NINL: variants seen among roughly 807,000 people sequenced by gnomAD.
NINL encodes the protein ninein-like protein.
Under a neutral mutation model 160.3 loss-of-function variants are expected in NINL, and 153 were observed. The ratio of observed to expected loss-of-function variants is 0.95; its 90% confidence interval spans 0.84 to 1.09. NINL has a LOEUF of 1.09. Ranked by LOEUF, NINL falls within the 50% of genes least tolerant of loss-of-function variation. The probability of loss-of-function intolerance (pLI) is 0.00; values close to 1 mark genes in which losing one functional copy is unlikely to be tolerated. For synonymous variants in NINL, 800 were observed against 734.8 expected (o/e 1.09, Z -1.43); for missense variants, 1,829 against 1,764.0 (o/e 1.04, Z -0.66).
intron 1 of NINL, among the ~76,000 whole-genome samples, chr20:25,561,713 G>A (rs1411811574): frequency 1.4e-5 from 2 of 138,306 alleles, no homozygotes; most frequent in Non-Finnish European, 3.2e-5. Flanking sequence ...GGAGCGCCTC[G>A]GCCCGGCCGC....
intron 1 of NINL, among the ~76,000 whole-genome samples, chr20:25,526,936 C>T (rs543028308): frequency 7.2e-5 from 11 of 152,226 alleles, no homozygotes; most frequent in Non-Finnish European, 2.9e-5. Flanking sequence ...GAGAAAAAGG[C>T]GGGAGGACTG....
chr20:25,479,692 T>G (rs1032183150), intron 15 of NINL, among the ~76,000 whole-genome samples: 8 of 152,286 alleles, frequency 5.3e-5, no homozygotes, highest in African/African-American at 1.9e-4. Flanking sequence ...CAACAAGTCA[T>G]GGACACTGTC....
intron 3 of NINL, among the ~76,000 whole-genome samples, chr20:25,514,560 A>G (rs2064129870): frequency 6.6e-6 from 1 of 152,250 alleles, no homozygotes; most frequent in African/African-American, 2.4e-5. Flanking sequence ...AATTTGTAAT[A>G]GTAAAGAGGA....
intron 1 of NINL, among the ~76,000 whole-genome samples, chr20:25,544,923 G>C (rs1017210447): frequency 6.6e-6 from 1 of 152,222 alleles, no homozygotes; most frequent in Non-Finnish European, 1.5e-5. Context: ...TGTTAAAACA[G>C]CAGATGGAGA....
intron 9 of NINL, 97 bp downstream of exon 9, chr20:25,498,113 A>G (rs2063794908): frequency 2.3e-5 from 33 of 1,440,932 alleles, no homozygotes; most frequent in Non-Finnish European, 2.9e-5. Flanking sequence ...TGTGGGGTGG[A>G]TAAGAGCTGA....
rs761641193 is a variant in NINL, at chr20:25,465,937, T to C, written c.3423+1452A>G. Among the ~76,000 whole-genome samples the C allele has an allele frequency of 2.6e-5, 4 of 152,222 alleles. No individual in the cohort carries two copies. In the East Asian group the frequency reaches 7.7e-4, roughly 29 times the overall value. On this transcript the variant is annotated intron_variant, in intron 19 of 23. Coordinates refer to ENST00000278886, the MANE Select transcript of NINL (RefSeq NM_025176.6). ...TAAGTGTGACAGCACTCCTTCAGTGTGGCGAGGCGGGAGATGCACTTCCTT... is the reference window on the plus strand; with the variant it reads ...TAAGTGTGACAGCACTCCTTCAGTGCGGCGAGGCGGGAGATGCACTTCCTT...
Position 25,489,877 on chromosome 20 carries a change from T to A in NINL, c.1594A>T (p.Lys532Ter). Residue 532 changes from lysine (K) to a stop codon, truncating the protein, a stop_gained and splice_region_variant, in exon 12 of 24, where the codon AAG (lysine) becomes TAG (stop). Transcript: ENST00000278886. LOFTEE classifies it high-confidence loss of function. The stretch of plus-strand genomic sequence containing the variant: ...AGACTGTCAGCAAAGGGACTCGCCT[T>A]GTCCTTCAGCACAAACTCCAGGTCC... ...QKDLEFVLKD[K>*]LEPQSAELLA... 6.2e-7 allele frequency: 1 copy of A among 1,614,112 alleles called. No individual in the cohort carries two copies. Among genetic ancestry groups the A allele is most frequent in the South Asian group, 1.1e-5 (1 of 91,084 alleles).
rs2090575029 is a variant in NINL, at chr20:25,453,228, A to G, written c.*223T>C. On this transcript the variant is annotated 3_prime_UTR_variant, in exon 24 of 24. Transcript: ENST00000278886. ...ATTTTGCCAAGGGAAATTACTCAGG[A>G]CCGCTAATAAAAACGCCGGCTTCTG... 2.4e-6 allele frequency: 1 copy of G among 419,788 alleles called. No individual in the cohort carries two copies. Among genetic ancestry groups the G allele is most frequent in the African/African-American group, 2.0e-5 (1 of 49,232 alleles). The allele number at this position is 419,788 out of a possible 1,614,324, so 26.0% of individuals were successfully genotyped here.
At chr20:25,565,009 T>G (rs2064984445) in intron 1 of NINL, among the ~76,000 whole-genome samples, 1 of 151,990 alleles carries the variant, frequency 6.6e-6, no homozygotes, top group African/African-American at 2.4e-5. Context: ...TAGACAAGTA[T>G]AAGAGAAAAT....
intron 7 of NINL, among the ~76,000 whole-genome samples, chr20:25,502,224 C>T (rs780297959): frequency 7.3e-5 from 11 of 151,656 alleles, no homozygotes; most frequent in Admixed American, 2.0e-4. Context: ...TCAAATGATC[C>T]GCCCGCCTTG....
chr20:25,489,054 G>T (rs560363528), intron 13 of NINL, 190 bp downstream of exon 13: 8 of 609,072 alleles, frequency 1.3e-5, no homozygotes, highest in Non-Finnish European at 2.4e-5. Context: ...ACACAGAGGC[G>T]GCCTTCAGGA....
intron 1 of NINL, among the ~76,000 whole-genome samples, chr20:25,580,195 G>T (rs141935835): frequency 6.6e-6 from 1 of 152,048 alleles, no homozygotes; most frequent in African/African-American, 2.4e-5. Context: ...TTAGTTGGGC[G>T]TGGAGGTGGA....
intron 8 of NINL, among the ~76,000 whole-genome samples, chr20:25,500,369 A>T (rs1432955162): frequency 6.6e-6 from 1 of 152,186 alleles, no homozygotes; most frequent in Non-Finnish European, 1.5e-5. Flanking sequence ...CACCTGGCCC[A>T]TGGTGGGAAG....
At chr20:25,483,434 A>T (rs924556496) in intron 13 of NINL, among the ~76,000 whole-genome samples, 5 of 152,278 alleles carry the variant, frequency 3.3e-5, no homozygotes, top group Admixed American at 1.3e-4. Flanking sequence ...TGCAATGTGC[A>T]TGTCAGGCAG....
chr20:25,468,504 C>G, intron 18 of NINL, among the ~76,000 whole-genome samples: 1 of 133,796 alleles, frequency 7.5e-6, no homozygotes, highest in Non-Finnish European at 1.6e-5. Context: ...TGCCCTGTCC[C>G]CCGACTCTCA....
At chr20:25,561,254 G>T (rs2147132760) in intron 1 of NINL, among the ~76,000 whole-genome samples, 1 of 152,284 alleles carries the variant, frequency 6.6e-6, no homozygotes, top group Admixed American at 6.5e-5. Flanking sequence ...GGCCGGGCTG[G>T]TCTCCAGCTC....
rs760731697 is a variant in NINL, at chr20:25,490,015, G to C, written c.1486-30C>G. On this transcript the variant is annotated intron_variant, in intron 11 of 23. Coordinates refer to ENST00000278886, the MANE Select transcript of NINL (RefSeq NM_025176.6). ...GAGACACAGGCCAGTGGCTCATCAG[G>C]CTCCTGCAGGACGGAGGGGATGTGT... 3 of 1,579,350 alleles carry C rather than the reference G, an allele frequency of 1.9e-6. No individual in the cohort carries two copies. The South Asian group carries it at 3.3e-5, about 17-fold the overall frequency.
At chr20:25,554,624 CAAAAAAAAAAACAAAAAA>C (rs1335465911) in intron 1 of NINL, among the ~76,000 whole-genome samples, 34 of 49,722 alleles carry the variant, frequency 6.8e-4, no homozygotes, top group African/African-American at 1.5e-3. Flanking sequence ...TGTTCTTTAC[CAAAAAAAAAAACAAAAAA>C]AAAAAAAAAA....
chr20:25,478,765 T>C, intron 16 of NINL, 158 bp downstream of exon 16: 1 of 709,994 alleles, frequency 1.4e-6, no homozygotes, highest in South Asian at 2.3e-5. Context: ...AGAATCCTCA[T>C]GCCAGGACCT....
Sources: gnomAD v4.1 joint callset for allele counts (sites outside exome capture counted in the v4.1 genomes callset) on GRCh38, gnomAD v4.1.1 for gene constraint, MANE v1.5 for transcripts, NCBI Gene and HGNC (gene_info 2026-07-23, HGNC 2026-07-21) for gene names.